SEPTIN7: variants seen among roughly 807,000 people sequenced by gnomAD.
SEPTIN7 encodes septin 7.
In SEPTIN7, 10 loss-of-function variants were observed where a neutral mutation model predicts 63.3. That is an observed-to-expected ratio of 0.16 (90% confidence interval 0.10 to 0.27). The LOEUF (loss-of-function observed/expected upper bound fraction) is 0.27, where lower values mean the gene tolerates loss of function less well. Ranked by LOEUF, SEPTIN7 falls within the 10% of genes least tolerant of loss-of-function variation. The pLI, the probability that SEPTIN7 is intolerant of heterozygous loss-of-function variation, is 1.00. For missense variants in SEPTIN7, 310 were observed against 521.0 expected (o/e 0.59, Z 3.94); for synonymous variants, 131 against 165.3 (o/e 0.79, Z 1.59).
intron 1 of SEPTIN7, among the ~76,000 whole-genome samples, chr7:35,814,852 G>A (rs754800278): frequency 2.7e-4 from 41 of 151,944 alleles, no homozygotes; most frequent in Admixed American, 3.9e-4. Flanking sequence ...GCAGGCGCCT[G>A]TAGTCCCAGC....
chr7:35,907,552 T>C (rs75135032), downstream of SEPTIN7, among the ~76,000 whole-genome samples: 738 of 152,190 alleles, frequency 4.8e-3, 9 homozygotes, highest in African/African-American at 0.015. Context: ...TTTAGTAGCT[T>C]ATTCAATAGG....
intron 4 of SEPTIN7, among the ~76,000 whole-genome samples, chr7:35,868,486 G>A (rs1562562280): frequency 6.6e-6 from 1 of 151,974 alleles, no homozygotes; most frequent in Non-Finnish European, 1.5e-5. Context: ...GACTTAGTGA[G>A]AAAGATGCTT....
downstream of SEPTIN7, among the ~76,000 whole-genome samples, chr7:35,908,428 A>C (rs1020881190): frequency 1.3e-5 from 2 of 152,244 alleles, no homozygotes; most frequent in African/African-American, 4.8e-5. Flanking sequence ...AAGGAGGGTC[A>C]AGTGAAAGGA....
chr7:35,889,079 G>A (rs1336433183), intron 10 of SEPTIN7, among the ~76,000 whole-genome samples: 2 of 152,160 alleles, frequency 1.3e-5, no homozygotes, highest in African/African-American at 2.4e-5. Flanking sequence ...CACCTGTGAC[G>A]TATACTTGTA....
intron 3 of SEPTIN7, among the ~76,000 whole-genome samples, chr7:35,848,537 AT>A (rs1487687099): frequency 6.6e-6 from 1 of 152,098 alleles, no homozygotes; most frequent in African/African-American, 2.4e-5. Context: ...AGGAATGTGT[AT>A]TGAATGATCA....
chr7:35,821,131 C>T (rs962378621), intron 1 of SEPTIN7, among the ~76,000 whole-genome samples: 1 of 152,098 alleles, frequency 6.6e-6, no homozygotes, highest in African/African-American at 2.4e-5. Flanking sequence ...GTTTTCAAGG[C>T]TACTGTAGAG....
intron 1 of SEPTIN7, among the ~76,000 whole-genome samples, chr7:35,804,151 G>A (rs1369981897): frequency 6.6e-6 from 1 of 152,088 alleles, no homozygotes; most frequent in Non-Finnish European, 1.5e-5. Context: ...TCTTACTTTG[G>A]ATTCATTTAT....
intron 1 of SEPTIN7, among the ~76,000 whole-genome samples, chr7:35,802,685 A>T (rs1473264342): frequency 1.3e-5 from 2 of 152,260 alleles, no homozygotes; most frequent in Middle Eastern, 3.4e-3. Context: ...ACAGGTAGGG[A>T]TGAAATTTAT....
chr7:35,875,243 A>G (rs1284224822), intron 6 of SEPTIN7, among the ~76,000 whole-genome samples: 2 of 152,184 alleles, frequency 1.3e-5, no homozygotes, highest in South Asian at 2.1e-4. Flanking sequence ...AAGGGGTAAG[A>G]TGTTTAAAAT....
chr7:35,800,992 G>A, upstream of SEPTIN7: 1 of 448,314 alleles, frequency 2.2e-6, no homozygotes, highest in Non-Finnish European at 3.9e-6. Flanking sequence ...TCGCGAGATG[G>A]AAGCCAGCCT....
At chr7:35,838,128 G>T (rs997155684) in intron 3 of SEPTIN7, among the ~76,000 whole-genome samples, 1 of 151,796 alleles carries the variant, frequency 6.6e-6, no homozygotes, top group Admixed American at 6.6e-5. Flanking sequence ...AGGTAGGTAG[G>T]TACTCTGAGG....
At chr7:35,802,117 G>A (rs891682569) in intron 1 of SEPTIN7, 1 of 163,074 alleles carries the variant, frequency 6.1e-6, no homozygotes, top group South Asian at 1.4e-4. Context: ...GTGGAGTGGC[G>A]AAGTTTAGGG....
At chr7:35,894,792 CAT>C (rs1787864802) in intron 11 of SEPTIN7, among the ~76,000 whole-genome samples, 1 of 152,170 alleles carries the variant, frequency 6.6e-6, no homozygotes, top group Non-Finnish European at 1.5e-5. Context: ...AGACCACACA[CAT>C]AATTTAAATG....
chr7:35,819,244 A>G (rs1394456657), intron 1 of SEPTIN7, among the ~76,000 whole-genome samples: 1 of 152,084 alleles, frequency 6.6e-6, no homozygotes. Flanking sequence ...AATTTTCACA[A>G]GTGTGTGAAT....
At chr7:35,848,697 A>G (rs1562546333) in intron 3 of SEPTIN7, among the ~76,000 whole-genome samples, 1 of 152,200 alleles carries the variant, frequency 6.6e-6, no homozygotes, top group Admixed American at 6.5e-5. Flanking sequence ...TGCAGACCCT[A>G]ACCTAACCTA....
downstream of SEPTIN7, among the ~76,000 whole-genome samples, chr7:35,910,507 T>G (rs1482302206): frequency 6.6e-6 from 1 of 152,198 alleles, no homozygotes; most frequent in Non-Finnish European, 1.5e-5. Context: ...GTTCAAAAAC[T>G]AAAGTTTTCC....
intron 3 of SEPTIN7, among the ~76,000 whole-genome samples, chr7:35,857,006 A>T (rs551070002): frequency 1.2e-4 from 18 of 152,318 alleles, no homozygotes; most frequent in African/African-American, 4.3e-4. Flanking sequence ...CTAAGATAAG[A>T]TCTACTCTGA....
At chr7:35,882,986 AG>A (rs1786992739) in intron 8 of SEPTIN7, among the ~76,000 whole-genome samples, 1 of 152,084 alleles carries the variant, frequency 6.6e-6, no homozygotes, top group Non-Finnish European at 1.5e-5. Flanking sequence ...AGCGTTCTGT[AG>A]CATTGTAGGG....
intron 3 of SEPTIN7, among the ~76,000 whole-genome samples, chr7:35,843,307 A>T (rs377598003): frequency 6.6e-6 from 1 of 152,106 alleles, no homozygotes; most frequent in Non-Finnish European, 1.5e-5. Context: ...CCCTCATCCT[A>T]TTTAACTCAG....
Sources: gnomAD v4.1 joint callset for allele counts (sites outside exome capture counted in the v4.1 genomes callset) on GRCh38, gnomAD v4.1.1 for gene constraint, MANE v1.5 for transcripts, NCBI Gene and HGNC (gene_info 2026-07-23, HGNC 2026-07-21) for gene names.